The following TMCC2 variants were observed in gnomAD, a reference collection of about 807,000 sequenced individuals.
TMCC2 encodes the protein transmembrane and coiled-coil domain family 2.
A neutral mutation model predicts 49.4 loss-of-function variants in TMCC2; 16 were observed. The ratio of observed to expected loss-of-function variants is 0.32; its 90% CI spans 0.22 to 0.49. The LOEUF is 0.49. TMCC2 is among the 20% of genes least tolerant of loss of function. The pLI is 0.99. For synonymous variants in TMCC2, 397 were observed against 434.1 expected, an observed-to-expected ratio of 0.91 and a Z score of 1.06; for missense variants, 762 against 989.8, an observed-to-expected ratio of 0.77 and a Z score of 3.09.
chr1:205,263,539 C>T (rs1260996928), intron 2 of TMCC2, among the ~76,000 whole-genome samples: 1 of 151,836 alleles, frequency 6.6e-6, no homozygotes. Flanking sequence ...AAAAAATACA[C>T]AAATTAGCCA....
In TMCC2 at chr1:205,264,609, C is replaced by T. The variant is rs912216201; in HGVS notation, c.748-4341C>T. Among the ~76,000 whole-genome samples, 4 of 152,078 alleles carry T rather than the reference C, an allele frequency of 2.6e-5. No homozygotes were observed. Among genetic ancestry groups the T allele is most frequent in the Admixed American group, 1.3e-4 (2 of 15,274 alleles). ...GCGCCATTCTCCCGCCTCAGCCTCC[C>T]GAGTAGCTGGGACTACGGGTGCCCG... is the stretch of plus-strand genomic sequence containing the variant. On this transcript the variant is annotated intron_variant, in intron 2 of 4. Transcript: ENST00000358024. This position sits in a 1 kb window ranked among gnomAD's most constrained non-coding sequence, Gnocchi z 4.2.
rs1289807730 is a variant in TMCC2 at position 205,264,490 on chromosome 1, G to GC, written c.748-4460_748-4459insC. Among the ~76,000 whole-genome samples, 1 of 139,880 alleles carries GC rather than the reference G, an allele frequency of 7.1e-6. No individual in the cohort carries two copies. Among genetic ancestry groups the GC allele is most frequent in the Non-Finnish European group, 1.6e-5 (1 of 64,270 alleles). 91.8% of individuals were successfully genotyped at this position (139,880 alleles called of 152,430 possible). ...CATGCCACCACACTCAGTTAATTTTGTTTTTTTTTTTTGGGACGGAGTCTC... is the reference window on the plus strand; with the variant it reads ...CATGCCACCACACTCAGTTAATTTTGCTTTTTTTTTTTTGGGACGGAGTCTC... On this transcript the variant is annotated intron_variant, in intron 2 of 4. Coordinates refer to ENST00000358024, the MANE Select transcript of TMCC2 (RefSeq NM_014858.4). This position sits in a 1 kb window ranked among gnomAD's most constrained non-coding sequence, Gnocchi z 4.2.
intron 1 of TMCC2, among the ~76,000 whole-genome samples, chr1:205,236,170 A>G (rs1349674139): frequency 2.6e-5 from 4 of 152,164 alleles, no homozygotes; most frequent in African/African-American, 9.7e-5. Context: ...GGGAAAACAA[A>G]TCTGGCTGTA....
intron 1 of TMCC2, among the ~76,000 whole-genome samples, chr1:205,234,939 G>A (rs144162371): frequency 4.6e-5 from 7 of 152,052 alleles, no homozygotes; most frequent in African/African-American, 7.2e-5. Context: ...GATTATAAGC[G>A]TGAGCCACTG....
At position 205,229,193 on chromosome 1, in the gene TMCC2, G is replaced by GTA. The variant is rs1368407813; in HGVS notation, c.207+423_207+424insAT. On this transcript the variant is annotated intron_variant, in intron 1 of 4. Coordinates refer to ENST00000358024, the MANE Select transcript of TMCC2 (RefSeq NM_014858.4). ...TGTGTGTGTGTGTGTGTGTGTGTGT[G>GTA]TGTGTATGTGTGTGAGACGGAGTCT... 9.3e-6 allele frequency: 7 copies of GTA among 756,676 alleles called. No homozygotes were observed. The African/African-American group carries it at 1.0e-4, about 11-fold the overall frequency. 46.9% of individuals were successfully genotyped at this position (756,676 alleles called of 1,614,324 possible).
In TMCC2 at chr1:205,241,388, G is replaced by T. The variant is rs1421041029; in HGVS notation, c.208-117G>T. 1.7e-6 allele frequency: 2 copies of T among 1,155,694 alleles called. No homozygotes were observed. The highest frequency in any genetic ancestry group is 2.4e-6 in the Non-Finnish European group (2 of 822,418). 71.6% of individuals were successfully genotyped at this position (1,155,694 alleles called of 1,614,324 possible). A position where few individuals can be genotyped will look rare whatever the true frequency, so the allele number is the denominator to read the frequency against. The stretch of plus-strand genomic sequence containing the variant: ...CATCCACAGAGATCTTCCAGGTTCA[G>T]ATGGCTGCATTAGCTATGCCAGTCT... On this transcript the variant is annotated intron_variant, in intron 1 of 4. Transcript: ENST00000358024. The surrounding 1 kb of genome is among the most constrained non-coding windows in gnomAD (Gnocchi z 7.3).
intron 1 of TMCC2, among the ~76,000 whole-genome samples, chr1:205,230,817 C>CT (rs1213449048): frequency 6.7e-6 from 1 of 148,246 alleles, no homozygotes; most frequent in East Asian, 1.9e-4. Context: ...CCTGTATTAT[C>CT]TTTTTTTTCT....
Position 205,240,479 on chromosome 1 carries a change from A to T in TMCC2, c.208-1026A>T, listed in dbSNP as rs538227331. On this transcript the variant is annotated intron_variant, in intron 1 of 4. Coordinates refer to ENST00000358024, the MANE Select transcript of TMCC2 (RefSeq NM_014858.4). The stretch of plus-strand genomic sequence containing the variant: ...AGAATTGGTCACATTACTATGTCAC[A>T]AGGTTTGCTCATAGAAGTAAAGTTT... 2.6e-5 allele frequency among the ~76,000 whole-genome samples: 4 copies of T among 152,350 alleles called. No homozygotes were observed. In the East Asian group the frequency reaches 7.7e-4, roughly 29 times the overall value.
chr1:205,256,163 G>A (rs2102580328), intron 2 of TMCC2: 1 of 1,398,564 alleles, frequency 7.2e-7, no homozygotes, highest in Non-Finnish European at 9.4e-7. Flanking sequence ...ACGCGTGTCG[G>A]CCATCAGTAT....
Position 205,264,346 on chromosome 1 carries a change from G to A in TMCC2, c.748-4604G>A, listed in dbSNP as rs970199094. Among the ~76,000 whole-genome samples, 3 of 152,026 alleles carry A rather than the reference G, an allele frequency of 2.0e-5. No individual in the cohort carries two copies. Among genetic ancestry groups the A allele is most frequent in the Non-Finnish European group, 2.9e-5 (2 of 68,010 alleles). ...TGTTTTTTGTTTTTGTTTTTGAGAC[G>A]GAGTCTCTGTCACCCAGGCTGGAGT... On this transcript the variant is annotated intron_variant, in intron 2 of 4. Coordinates refer to ENST00000358024, the MANE Select transcript of TMCC2 (RefSeq NM_014858.4). The surrounding 1 kb of genome is among the most constrained non-coding windows in gnomAD (Gnocchi z 4.2).
Position 205,257,585 on chromosome 1 carries a change from C to T in TMCC2, c.748-11365C>T, listed in dbSNP as rs184237350. Among the ~76,000 whole-genome samples the T allele has an allele frequency of 2.5e-3, 382 of 152,288 alleles. 1 individual carries two copies. Among genetic ancestry groups the T allele is most frequent in the Non-Finnish European group, 4.2e-3 (289 of 68,018 alleles). On this transcript the variant is annotated intron_variant, in intron 2 of 4. Coordinates refer to ENST00000358024, the MANE Select transcript of TMCC2 (RefSeq NM_014858.4). ...GAGCCCCTGGGGTTGGATGTGGGCG[C>T]CCTGTGCAGGAAGGCAGGTGAACCC...
rs1346681758 is a variant in TMCC2 at position 205,241,778 on chromosome 1, A to G, written c.481A>G (p.Ile161Val). 2.5e-6 allele frequency: 4 copies of G among 1,609,538 alleles called. No homozygotes were observed. The highest frequency in any genetic ancestry group is 2.7e-5 in the African/African-American group (2 of 74,866). ...VLQQIRSRPS[I>V]KRGASLHSSS... ...GCAGCAGATCCGCTCCCGGCCCTCC[A>G]TCAAGCGGGGCGCCAGCCTGCACAG... Residue 161 changes from isoleucine to valine, a missense_variant, in exon 2 of 5, where the codon ATC becomes GTC. By Grantham distance (29) the Ile-to-Val change is conservative. Around this residue, in one of 2 missense-constraint regions of TMCC2, gnomAD observed 322 missense variants for 353.1 expected, o/e 0.91. Coordinates refer to ENST00000358024, the MANE Select transcript of TMCC2 (RefSeq NM_014858.4). This position sits in a 1 kb window ranked among gnomAD's most constrained non-coding sequence, Gnocchi z 7.3.
In TMCC2 at chr1:205,242,112, C is replaced by T. The variant is rs73083139; in HGVS notation, c.747+68C>T. ...GGCCATCCGCTGAGGGGCCTTGAGA[C>T]CTGGGGAGCTGAGCCAGGGGCCCTC... On this transcript the variant is annotated intron_variant, in intron 2 of 4. Transcript: ENST00000358024. The T allele has an allele frequency of 3.9e-3, 5,812 of 1,481,576 alleles. 181 individuals carry two copies. The African/African-American group carries it at 0.069, about 18-fold the overall frequency. The allele number at this position is 1,481,576 out of a possible 1,614,324, so 91.8% of individuals were successfully genotyped here.
chr1:205,246,094 C>T (rs1237965742), intron 2 of TMCC2, among the ~76,000 whole-genome samples: 1 of 152,022 alleles, frequency 6.6e-6, no homozygotes, highest in Non-Finnish European at 1.5e-5. Flanking sequence ...TTGAACTACT[C>T]TGGGGGTGGG....
In TMCC2 at chr1:205,241,695, C is replaced by T; in HGVS notation, c.398C>T (p.Ser133Phe). The T allele has an allele frequency of 6.2e-7, 1 of 1,613,700 alleles. No homozygotes were observed. The highest frequency in any genetic ancestry group is 8.5e-7 in the Non-Finnish European group (1 of 1,180,010). The stretch of plus-strand genomic sequence containing the variant: ...CGCTCTCCGGAGATGCATCGCGTCT[C>T]CTACGCCATGTCCCTGCACGACCTG... ...KERSPEMHRV[S>F]YAMSLHDLPA... Residue 133 changes from serine to phenylalanine, a missense_variant, in exon 2 of 5, where the codon TCC becomes TTC. Coordinates refer to ENST00000358024, the MANE Select transcript of TMCC2 (RefSeq NM_014858.4). The surrounding 1 kb of genome is among the most constrained non-coding windows in gnomAD (Gnocchi z 7.3).
At position 205,272,133 on chromosome 1, in the gene TMCC2, C is replaced by A. The variant is rs753788591; in HGVS notation, c.*9C>A. The A allele has an allele frequency of 6.2e-7, 1 of 1,608,606 alleles. No homozygotes were observed. The highest frequency in any genetic ancestry group is 8.5e-7 in the Non-Finnish European group (1 of 1,175,606). ...TGTTGCTGCCCAGCTGAGTGGCCAG[C>A]CACACCAACCCTGTGCTCTCTGGCC... On this transcript the variant is annotated 3_prime_UTR_variant, in exon 5 of 5. Transcript: ENST00000358024.
At chr1:205,244,888 TGAGA>T (rs972515402) in intron 2 of TMCC2, among the ~76,000 whole-genome samples, 2 of 146,796 alleles carry the variant, frequency 1.4e-5, no homozygotes, top group Non-Finnish European at 3.0e-5. Context: ...TAAAGAGGAG[TGAGA>T]GAGACAGGAG....
chr1:205,270,656 C>G (rs560587387), intron 3 of TMCC2, among the ~76,000 whole-genome samples: 1 of 152,346 alleles, frequency 6.6e-6, no homozygotes, highest in South Asian at 2.1e-4. Flanking sequence ...TAACAGTCAT[C>G]TTACGCTATT....
chr1:205,230,390 G>C (rs1659741965), intron 1 of TMCC2, among the ~76,000 whole-genome samples: 1 of 152,194 alleles, frequency 6.6e-6, no homozygotes, highest in Non-Finnish European at 1.5e-5. Context: ...CAAGAAGCTT[G>C]AGCTTTTGCC....
Sources: gnomAD v4.1 joint callset for allele counts (sites outside exome capture counted in the v4.1 genomes callset) on GRCh38, gnomAD v4.1.1 for gene constraint, gnomAD v4.1.1 regional missense constraint, Gnocchi (gnomAD v3.1) non-coding constraint, MANE v1.5 for transcripts, NCBI Gene and HGNC (gene_info 2026-07-23, HGNC 2026-07-21) for gene names.